EDA: variants seen among roughly 807,000 people sequenced by gnomAD.
EDA encodes ectodysplasin A.
In EDA, 2 loss-of-function variants were observed where a neutral mutation model predicts 23.6. The observed-to-expected ratio is 0.08, with a 90% CI of 0.03 to 0.27. The LOEUF is 0.27. Among genes scored for constraint, EDA ranks in the 10% least tolerant of loss-of-function variants. EDA has a pLI of 1.00. For missense variants in EDA, 229 were observed against 324.2 expected (o/e 0.71, Z 2.26); for synonymous variants, 131 against 132.0 (o/e 0.99, Z 0.05).
chrX:69,871,145 G>A (rs904504478), intron 1 of EDA, among the ~76,000 whole-genome samples: 1 of 111,288 alleles, frequency 9.0e-6, no homozygotes, highest in African/African-American at 3.3e-5. Flanking sequence ...GACTATTAAT[G>A]TTCTCCATAC....
intron 1 of EDA, among the ~76,000 whole-genome samples, chrX:69,853,536 A>G (rs969326513): frequency 3.6e-5 from 4 of 112,307 alleles, no homozygotes; most frequent in African/African-American, 1.3e-4. Context: ...AGGATTTTCA[A>G]TAAGTTCTAA....
chrX:70,037,305 G>A lies in EDA; in HGVS notation c.*1696G>A, dbSNP rs763391746. 2.7e-5 allele frequency: 3 copies of A among 111,744 alleles called. No homozygotes were observed. Among genetic ancestry groups the A allele is most frequent in the Admixed American group, 9.5e-5 (1 of 10,570 alleles). The allele number at this position is 111,744 out of a possible 1,213,427, so 9.2% of individuals were successfully genotyped here. A position where few individuals can be genotyped will look rare whatever the true frequency, so the allele number is the denominator to read the frequency against. Reference sequence around the variant, plus strand: ...GGCCCTTCAAGGGTCAGGGTGAGACGTGATGGGCTAGGCCTCCGTTGTCTG... The same window carrying A: ...GGCCCTTCAAGGGTCAGGGTGAGACATGATGGGCTAGGCCTCCGTTGTCTG... On this transcript the variant is annotated 3_prime_UTR_variant, in exon 8 of 8. Transcript: ENST00000374552.
At chrX:69,705,154 C>T (rs1411997533) in intron 1 of EDA, among the ~76,000 whole-genome samples, 4 of 101,419 alleles carry the variant, frequency 3.9e-5, no homozygotes, top group Admixed American at 3.4e-4. Context: ...ACCTGGGAGG[C>T]GGAGGTTGCA....
chrX:69,823,826 T>C (rs1357689563), intron 1 of EDA, among the ~76,000 whole-genome samples: 1 of 91,987 alleles, frequency 1.1e-5, no homozygotes, highest in Non-Finnish European at 2.1e-5. Flanking sequence ...TTTTTATGGT[T>C]TTAGGTCTAA....
chrX:69,699,765 T>C (rs1385476580), intron 1 of EDA, among the ~76,000 whole-genome samples: 12 of 110,378 alleles, frequency 1.1e-4, no homozygotes, highest in Non-Finnish European at 2.1e-4. Context: ...GGACGGGGGC[T>C]GAGAGCCTTA....
chrX:69,827,864 A>G (rs2016495530), intron 1 of EDA, among the ~76,000 whole-genome samples: 1 of 111,467 alleles, frequency 9.0e-6, no homozygotes, highest in Admixed American at 9.5e-5. Context: ...ATGGTGATGT[A>G]CAGATGGGTT....
intron 2 of EDA, among the ~76,000 whole-genome samples, chrX:70,009,632 G>A (rs2019848766): frequency 9.0e-6 from 1 of 111,612 alleles, no homozygotes; most frequent in Non-Finnish European, 1.9e-5. Context: ...TGTCTCCCAG[G>A]CTGGAATGTA....
At chrX:69,835,778 G>A (rs2016756565) in intron 1 of EDA, among the ~76,000 whole-genome samples, 1 of 111,915 alleles carries the variant, frequency 8.9e-6, no homozygotes, top group South Asian at 3.7e-4. Flanking sequence ...GCGAGCCTTT[G>A]GAGGAGAAGA....
chrX:69,623,897 G>T lies in EDA; in HGVS notation c.396+7193G>T, dbSNP rs780154202. Among the ~76,000 whole-genome samples the T allele has an allele frequency of 8.1e-5, 9 of 110,520 alleles. No individual in the cohort carries two copies. The South Asian group carries it at 3.4e-3, about 42-fold the overall frequency. Reference sequence around the variant, plus strand: ...GTATCAACTGGACCATTTAAAATGTGCATGGAGAAGTTTCTATTTAAAGGA... The same window carrying T: ...GTATCAACTGGACCATTTAAAATGTTCATGGAGAAGTTTCTATTTAAAGGA... On this transcript the variant is annotated intron_variant, in intron 1 of 7. Coordinates refer to ENST00000374552, the MANE Select transcript of EDA (RefSeq NM_001399.5).
intron 1 of EDA, among the ~76,000 whole-genome samples, chrX:69,661,587 C>T (rs943266701): frequency 9.0e-5 from 10 of 111,176 alleles, no homozygotes; most frequent in African/African-American, 3.0e-4. Flanking sequence ...CTCCCAGCAC[C>T]ATTTATTGAA....
intron 1 of EDA, among the ~76,000 whole-genome samples, chrX:69,898,123 T>C (rs759688367): frequency 8.9e-6 from 1 of 112,156 alleles, no homozygotes; most frequent in South Asian, 3.7e-4. Flanking sequence ...TCAGAGGGTC[T>C]AGAAATTTCT....
In EDA at chrX:69,960,557, C is replaced by A. The variant is rs144910853; in HGVS notation, c.502+3425C>A. 8.7e-3 allele frequency among the ~76,000 whole-genome samples: 963 copies of A among 110,334 alleles called. 12 individuals carry two copies. Among genetic ancestry groups the A allele is most frequent in the African/African-American group, 0.03 (918 of 30,308 alleles). On this transcript the variant is annotated intron_variant, in intron 2 of 7. Transcript: ENST00000374552. Reference sequence around the variant, plus strand: ...GAAAATAAGATGACTCTCTTTTGTACAAAGGACTTGTCATTGAAGAAGTGA... The same window carrying A: ...GAAAATAAGATGACTCTCTTTTGTAAAAAGGACTTGTCATTGAAGAAGTGA...
intron 1 of EDA, among the ~76,000 whole-genome samples, chrX:69,682,032 C>T (rs1210062600): frequency 9.0e-6 from 1 of 110,625 alleles, no homozygotes; most frequent in African/African-American, 3.3e-5. Flanking sequence ...GTTAGTTTTC[C>T]TTCTAACAGA....
chrX:69,831,839 C>G (rs2147541387), intron 1 of EDA, among the ~76,000 whole-genome samples: 1 of 112,492 alleles, frequency 8.9e-6, no homozygotes. Context: ...TAGATGTCCT[C>G]TTTTGAGAAG....
chrX:69,680,387 T>C (rs1372388338), intron 1 of EDA, among the ~76,000 whole-genome samples: 1 of 47,668 alleles, frequency 2.1e-5, no homozygotes, highest in Non-Finnish European at 3.0e-5. Flanking sequence ...GTTGACTTTC[T>C]GTCTTGTTGA....
chrX:69,972,331 C>T (rs1298985524), intron 2 of EDA, among the ~76,000 whole-genome samples: 1 of 111,261 alleles, frequency 9.0e-6, no homozygotes, highest in Non-Finnish European at 1.9e-5. Context: ...ACATGCAGAA[C>T]ACCCTCCCTG....
chrX:69,951,983 C>A (rs2018934287), intron 1 of EDA, among the ~76,000 whole-genome samples: 1 of 111,986 alleles, frequency 8.9e-6, no homozygotes, highest in African/African-American at 3.2e-5. Flanking sequence ...TTATTCATAT[C>A]CTGCAACTTG....
At position 69,662,094 on chromosome X, in the gene EDA, G is replaced by A. The variant is rs755069862; in HGVS notation, c.396+45390G>A. On this transcript the variant is annotated intron_variant, in intron 1 of 7. Coordinates refer to ENST00000374552, the MANE Select transcript of EDA (RefSeq NM_001399.5). ...TGTTTATCCTATATATCTGCTATTT[G>A]TTATCCTCTGACCTACATACATCTC... is the stretch of plus-strand genomic sequence containing the variant. Among the ~76,000 whole-genome samples, 14 of 111,269 alleles carry A rather than the reference G, an allele frequency of 1.3e-4. No homozygotes were observed. The South Asian group carries it at 4.9e-3, about 39-fold the overall frequency.
chrX:69,656,539 C>T lies in EDA; in HGVS notation c.396+39835C>T, dbSNP rs141272992. Among the ~76,000 whole-genome samples the T allele has an allele frequency of 2.9e-3, 328 of 111,536 alleles. 2 individuals are homozygous for T. The highest frequency in any genetic ancestry group is 0.01 in the African/African-American group (312 of 30,663). ...ATTTTAGATTCAGGGGGGACATGTGCAGTTTTCTTATATAGGTATATTGCA... is the reference window on the plus strand; with the variant it reads ...ATTTTAGATTCAGGGGGGACATGTGTAGTTTTCTTATATAGGTATATTGCA... On this transcript the variant is annotated intron_variant, in intron 1 of 7. Transcript: ENST00000374552.
Sources: gnomAD v4.1 joint callset for allele counts (sites outside exome capture counted in the v4.1 genomes callset) on GRCh38, gnomAD v4.1.1 for gene constraint, MANE v1.5 for transcripts, NCBI Gene and HGNC (gene_info 2026-07-23, HGNC 2026-07-21) for gene names.